RBFOX3: variants seen among roughly 807,000 people sequenced by gnomAD.
RBFOX3 encodes the protein RNA binding protein fox-1 homolog 3.
RBFOX3 carries 17 observed loss-of-function variants against 48.7 expected under a neutral mutation model. The observed-to-expected ratio is 0.35, with a 90% CI of 0.24 to 0.52. The LOEUF is 0.52. RBFOX3 is among the 20% of genes least tolerant of loss of function. The pLI, the probability that RBFOX3 is intolerant of heterozygous loss-of-function variation, is 0.94. For synonymous variants in RBFOX3, 212 were observed against 209.5 expected, an observed-to-expected ratio of 1.01 and a Z score of -0.10; for missense variants, 382 against 497.5, an observed-to-expected ratio of 0.77 and a Z score of 2.21.
chr17:79,446,422 C>T (rs868978197), intron 2 of RBFOX3, among the ~76,000 whole-genome samples: 2 of 152,172 alleles, frequency 1.3e-5, no homozygotes, highest in East Asian at 3.9e-4. Flanking sequence ...AAACTCCCTC[C>T]ACCCCTATTG....
intron 6 of RBFOX3, among the ~76,000 whole-genome samples, chr17:79,105,622 G>A (rs1044859501): frequency 1.6e-4 from 25 of 152,308 alleles, no homozygotes; most frequent in African/African-American, 5.1e-4. Context: ...TAGGGATCAC[G>A]TCAGGGGGTA....
chr17:79,539,184 T>C (rs2089311095), intron 1 of RBFOX3, among the ~76,000 whole-genome samples: 1 of 151,968 alleles, frequency 6.6e-6, no homozygotes, highest in Admixed American at 6.6e-5. Flanking sequence ...AAAACCTGTT[T>C]CTACAAAAAA....
rs1213919401 is a variant in RBFOX3, at chr17:79,361,532, G to A, written c.-174-53708C>T. 1.3e-5 allele frequency among the ~76,000 whole-genome samples: 2 copies of A among 152,214 alleles called. No individual in the cohort carries two copies. Among genetic ancestry groups the A allele is most frequent in the East Asian group, 3.9e-4 (2 of 5,186 alleles). On this transcript the variant is annotated intron_variant, in intron 2 of 14. Transcript: ENST00000693108. The surrounding 1 kb of genome is among the most constrained non-coding windows in gnomAD (Gnocchi z 4.5). ...CCCCTGAGCCCGCGTGGCTCTCTGT[G>A]CCACAGCTGGAGAGGGCCCAGCTGA...
At chr17:79,370,071 C>T (rs918987722) in intron 2 of RBFOX3, among the ~76,000 whole-genome samples, 4 of 152,220 alleles carry the variant, frequency 2.6e-5, no homozygotes, top group Admixed American at 2.6e-4. Context: ...TCGCTGGCTT[C>T]CAGCCCTTCC....
intron 3 of RBFOX3, among the ~76,000 whole-genome samples, chr17:79,281,227 A>AT (rs2070389692): frequency 6.6e-6 from 1 of 152,334 alleles, no homozygotes; most frequent in East Asian, 1.9e-4. Flanking sequence ...TGATGGGACT[A>AT]CCCAGGTGCC....
At chr17:79,506,596 C>A (rs2149792534) in intron 1 of RBFOX3, among the ~76,000 whole-genome samples, 1 of 152,346 alleles carries the variant, frequency 6.6e-6, no homozygotes, top group East Asian at 1.9e-4. Flanking sequence ...GGAGCTGGAC[C>A]CCAGATGGCG....
chr17:79,201,749 AGCACCC>A (rs1211601082), intron 4 of RBFOX3, among the ~76,000 whole-genome samples: 1 of 152,130 alleles, frequency 6.6e-6, no homozygotes, highest in Admixed American at 6.5e-5. Context: ...GCTCACACAC[AGCACCC>A]CCTGCCTTCT....
chr17:79,414,185 G>A (rs1016409363), intron 2 of RBFOX3, among the ~76,000 whole-genome samples: 2 of 152,108 alleles, frequency 1.3e-5, no homozygotes, highest in Non-Finnish European at 2.9e-5. Flanking sequence ...GTCCATATCA[G>A]GGACTTGCGG....
At chr17:79,506,214 A>C (rs1474594942) in intron 1 of RBFOX3, among the ~76,000 whole-genome samples, 1 of 152,198 alleles carries the variant, frequency 6.6e-6, no homozygotes, top group Non-Finnish European at 1.5e-5. Context: ...ACTTTCCTCC[A>C]TCAGAGCCAG....
chr17:79,197,325 A>G (rs1054438975), intron 4 of RBFOX3, among the ~76,000 whole-genome samples: 1 of 150,612 alleles, frequency 6.6e-6, no homozygotes, highest in Non-Finnish European at 1.5e-5. Context: ...CCACACTGCC[A>G]TTCACTGCAC....
rs1555728637 is a variant in RBFOX3 at position 79,170,128 on chromosome 17, A to AAGGAGGAAGGAGGAAGGAAGGG, written c.-33-54381_-33-54380insCCCTTCCTTCCTCCTTCCTCCT. Among the ~76,000 whole-genome samples the AAGGAGGAAGGAGGAAGGAAGGG allele has an allele frequency of 1.7e-3, 225 of 135,638 alleles. 3 individuals are homozygous for AAGGAGGAAGGAGGAAGGAAGGG. Among genetic ancestry groups the AAGGAGGAAGGAGGAAGGAAGGG allele is most frequent in the African/African-American group, 5.7e-3 (175 of 30,790 alleles). The allele number at this position is 135,638 out of a possible 152,430, so 89.0% of individuals were successfully genotyped here. A position where few individuals can be genotyped will look rare whatever the true frequency, so the allele number is the denominator to read the frequency against. On this transcript the variant is annotated intron_variant, in intron 4 of 14. Transcript: ENST00000693108. ...GGAAAGGAGGAGGAAGGAAGGAAGG[A>AAGGAGGAAGGAGGAAGGAAGGG]AGGAGGAAGGAGGGAAGGAAGGAAG...
chr17:79,093,726 G>A (rs1315479428), intron 14 of RBFOX3, among the ~76,000 whole-genome samples: 1 of 151,404 alleles, frequency 6.6e-6, no homozygotes, highest in Non-Finnish European at 1.5e-5. Flanking sequence ...GGGTACAGGA[G>A]GCAGGTGTCT....
intron 3 of RBFOX3, among the ~76,000 whole-genome samples, chr17:79,275,637 G>C (rs1018130728): frequency 4.6e-5 from 7 of 152,210 alleles, no homozygotes; most frequent in Non-Finnish European, 8.8e-5. Flanking sequence ...GCACACCACT[G>C]TGCCTGGCTC....
chr17:79,597,147 C>T (rs1036062083), intron 1 of RBFOX3, among the ~76,000 whole-genome samples: 3 of 152,192 alleles, frequency 2.0e-5, no homozygotes, highest in African/African-American at 7.2e-5. Context: ...AAAGCACCTG[C>T]CCTCACACTG....
intron 2 of RBFOX3, among the ~76,000 whole-genome samples, chr17:79,428,874 A>T (rs2067889063): frequency 6.6e-6 from 1 of 152,224 alleles, no homozygotes; most frequent in Non-Finnish European, 1.5e-5. Flanking sequence ...ACCTTGTATA[A>T]GTAAAGTCAT....
chr17:79,320,691 C>A (rs1295296138), intron 2 of RBFOX3, among the ~76,000 whole-genome samples: 1 of 152,020 alleles, frequency 6.6e-6, no homozygotes, highest in Non-Finnish European at 1.5e-5. Flanking sequence ...CTGGGCGTTG[C>A]CAATAGAGCC....
At chr17:79,410,052 G>A (rs533535034) in intron 2 of RBFOX3, among the ~76,000 whole-genome samples, 22 of 152,184 alleles carry the variant, frequency 1.4e-4, no homozygotes, top group Non-Finnish European at 2.2e-4. Context: ...CTTATTTCCC[G>A]CCTGCTCCTC....
At chr17:79,620,541 AC>A in the RBFOX3 span, among the ~76,000 whole-genome samples, 1 of 150,372 alleles carries the variant, frequency 6.7e-6, no homozygotes, top group South Asian at 2.1e-4. Flanking sequence ...GCACATGCAC[AC>A]ACGCATGCAC....
intron 3 of RBFOX3, among the ~76,000 whole-genome samples, chr17:79,251,859 C>T (rs1310454987): frequency 6.6e-6 from 1 of 152,248 alleles, no homozygotes; most frequent in East Asian, 1.9e-4. Flanking sequence ...GCTCCCCCAC[C>T]AGGGGTCTGC....
Sources: allele counts gnomAD v4.1 joint callset (sites outside exome capture counted in the v4.1 genomes callset), GRCh38; gene constraint gnomAD v4.1.1; non-coding constraint Gnocchi (gnomAD v3.1); transcripts MANE v1.5; gene names NCBI Gene and HGNC (gene_info 2026-07-23, HGNC 2026-07-21).